PDE4B: variants seen among roughly 807,000 people sequenced by gnomAD.
PDE4B encodes 3',5'-cyclic-AMP phosphodiesterase 4B.
PDE4B carries 20 observed loss-of-function variants against 82.2 expected under a neutral mutation model. That is an observed-to-expected ratio of 0.24 (90% CI 0.17 to 0.35). The LOEUF is 0.35. Ranked by LOEUF, PDE4B falls within the 10% of genes least tolerant of loss-of-function variation. The pLI is 1.00. For synonymous variants in PDE4B, 320 were observed against 318.9 expected (o/e 1.00, Z -0.04); for missense variants, 655 against 907.2 (o/e 0.72, Z 3.57).
At chr1:66,222,877 GA>G (rs989586069) in intron 3 of PDE4B, among the ~76,000 whole-genome samples, 2 of 152,046 alleles carry the variant, frequency 1.3e-5, no homozygotes, top group African/African-American at 4.8e-5. Context: ...CTTGGGAAAA[GA>G]AAAATTGGCA....
chr1:66,234,649 T>A (rs914526270), intron 3 of PDE4B, among the ~76,000 whole-genome samples: 1 of 152,124 alleles, frequency 6.6e-6, no homozygotes, highest in Non-Finnish European at 1.5e-5. Flanking sequence ...TCTATCCTGT[T>A]ATCTCCTCTC....
chr1:65,876,303 T>G (rs1646643021), intron 1 of PDE4B, among the ~76,000 whole-genome samples: 1 of 152,140 alleles, frequency 6.6e-6, no homozygotes, highest in Non-Finnish European at 1.5e-5. Context: ...TTCAATGAAC[T>G]GAAATATTGT....
chr1:65,992,605 C>A, intron 3 of PDE4B: 2 of 353,664 alleles, frequency 5.7e-6, no homozygotes, highest in Non-Finnish European at 4.4e-6. Context: ...TGAATGAATT[C>A]AGTGAGTGTC....
intron 8 of PDE4B, among the ~76,000 whole-genome samples, chr1:66,342,980 G>A (rs1364571892): frequency 1.3e-5 from 2 of 152,182 alleles, no homozygotes; most frequent in Non-Finnish European, 2.9e-5. Context: ...TGGAGGCAGA[G>A]GTTGTAGTGC....
intron 3 of PDE4B, among the ~76,000 whole-genome samples, chr1:65,923,445 TTC>T (rs1311428611): frequency 6.6e-6 from 1 of 152,176 alleles, no homozygotes; most frequent in African/African-American, 2.4e-5. Flanking sequence ...TTTTAGTTAT[TTC>T]TCTCTCTCTG....
intron 3 of PDE4B, among the ~76,000 whole-genome samples, chr1:66,106,168 A>G (rs1570248318): frequency 6.6e-6 from 1 of 152,138 alleles, no homozygotes; most frequent in African/African-American, 2.4e-5. Context: ...GAATTTTGTC[A>G]AAGGCCTTTT....
chr1:66,341,465 T>C (rs1202812288), intron 8 of PDE4B, among the ~76,000 whole-genome samples: 1 of 152,254 alleles, frequency 6.6e-6, no homozygotes, highest in Non-Finnish European at 1.5e-5. Flanking sequence ...TAAAGAGAAC[T>C]AATTTAGTAT....
At chr1:66,018,617 C>T (rs1011520852) in intron 3 of PDE4B, among the ~76,000 whole-genome samples, 18 of 152,066 alleles carry the variant, frequency 1.2e-4, no homozygotes. Context: ...CACCTAGAAA[C>T]TGGCAGTGAC....
Position 66,131,592 on chromosome 1 carries a change from G to GATATATATATATATATAT in PDE4B, c.282-115839_282-115822dup, listed in dbSNP as rs71058452. On this transcript the variant is annotated intron_variant, in intron 3 of 16. Transcript: ENST00000341517. ...TATTTTCAATATTTTCTGAATGCCA[G>GATATATATATATATATAT]ATATATATATATATATATATATATA... is the stretch of plus-strand genomic sequence containing the variant. Among the ~76,000 whole-genome samples the GATATATATATATATATAT allele has an allele frequency of 1.1e-3, 35 of 32,862 alleles. 7 individuals are homozygous for GATATATATATATATATAT. Among genetic ancestry groups the GATATATATATATATATAT allele is most frequent in the South Asian group, 1.9e-3 (1 of 514 alleles). The allele number at this position is 32,862 out of a possible 152,430, so 21.6% of individuals were successfully genotyped here.
chr1:66,082,820 G>A (rs1328776165), intron 3 of PDE4B, among the ~76,000 whole-genome samples: 3 of 151,878 alleles, frequency 2.0e-5, no homozygotes, highest in African/African-American at 7.3e-5. Flanking sequence ...TATCATGTAG[G>A]TTTGAAATAC....
At chr1:66,163,562 C>T (rs1483679403) in intron 3 of PDE4B, among the ~76,000 whole-genome samples, 1 of 151,836 alleles carries the variant, frequency 6.6e-6, no homozygotes, top group Non-Finnish European at 1.5e-5. Context: ...TAAAGAATTA[C>T]TCATGTAAAG....
At chr1:66,218,789 A>T (rs1650719834) in intron 3 of PDE4B, among the ~76,000 whole-genome samples, 1 of 152,122 alleles carries the variant, frequency 6.6e-6, no homozygotes, top group Non-Finnish European at 1.5e-5. Flanking sequence ...CACTCTTAAC[A>T]CTTATTACAA....
chr1:66,283,959 G>A (rs1570621343), intron 7 of PDE4B, among the ~76,000 whole-genome samples: 2 of 152,128 alleles, frequency 1.3e-5, no homozygotes, highest in Admixed American at 1.3e-4. Context: ...AGCACCTGGC[G>A]AGTACTCACC....
At chr1:66,333,994 C>G (rs1468390736) in intron 8 of PDE4B, among the ~76,000 whole-genome samples, 1 of 152,180 alleles carries the variant, frequency 6.6e-6, no homozygotes, top group Non-Finnish European at 1.5e-5. Flanking sequence ...ACTCAACCAA[C>G]TGCTTCCCCA....
chr1:66,215,451 A>C (rs1184855897), intron 3 of PDE4B, among the ~76,000 whole-genome samples: 2 of 152,152 alleles, frequency 1.3e-5, no homozygotes, highest in Non-Finnish European at 2.9e-5. Context: ...AAGGAAGAAG[A>C]GTGCTTCAGT....
At chr1:65,809,546 T>A (rs1006787323) in intron 1 of PDE4B, among the ~76,000 whole-genome samples, 1 of 152,144 alleles carries the variant, frequency 6.6e-6, no homozygotes. Flanking sequence ...TCATTTTTCA[T>A]ATTGAAATAT....
chr1:66,359,602 T>A (rs1662586519), intron 9 of PDE4B, among the ~76,000 whole-genome samples: 1 of 152,338 alleles, frequency 6.6e-6, no homozygotes, highest in East Asian at 1.9e-4. Context: ...AATTACTCAC[T>A]GTTGCAGGGA....
intron 3 of PDE4B, among the ~76,000 whole-genome samples, chr1:66,025,616 A>C (rs1653390618): frequency 6.6e-6 from 1 of 152,306 alleles, no homozygotes; most frequent in East Asian, 1.9e-4. Context: ...GACTGAACTC[A>C]TAATTTCTTC....
chr1:66,277,585 G>C (rs1281658867), intron 7 of PDE4B, among the ~76,000 whole-genome samples: 1 of 151,964 alleles, frequency 6.6e-6, no homozygotes, highest in Non-Finnish European at 1.5e-5. Flanking sequence ...TAGTAGAGAT[G>C]GGGTTTCACT....
Sources: gnomAD v4.1 joint callset for allele counts (sites outside exome capture counted in the v4.1 genomes callset) on GRCh38, gnomAD v4.1.1 for gene constraint, MANE v1.5 for transcripts, NCBI Gene and HGNC (gene_info 2026-07-23, HGNC 2026-07-21) for gene names.